The following UGT1A4 variants were observed in gnomAD, a reference collection of about 807,000 sequenced individuals.
UGT1A4 encodes the protein UDP glucuronosyltransferase family 1 member A4.
A neutral mutation model predicts 41.1 loss-of-function variants in UGT1A4; 32 were observed. That is an observed-to-expected ratio of 0.78 (90% CI 0.59 to 1.05). UGT1A4 has a LOEUF of 1.05. Among genes scored for constraint, UGT1A4 ranks in the 50% least tolerant of loss-of-function variants. The pLI is 0.00. For synonymous variants in UGT1A4, 283 were observed against 265.1 expected, an observed-to-expected ratio of 1.07 and a Z score of -0.66; for missense variants, 748 against 677.4, an observed-to-expected ratio of 1.10 and a Z score of -1.16.
chr2:233,737,994 C>T (rs1435641802), intron 1 of UGT1A4, among the ~76,000 whole-genome samples: 1 of 151,970 alleles, frequency 6.6e-6, no homozygotes. Flanking sequence ...CTCTGTGTCC[C>T]CCACCAAATC....
chr2:233,756,239 T>C (rs1242345996), intron 1 of UGT1A4: 1 of 152,226 alleles, frequency 6.6e-6, no homozygotes, highest in East Asian at 1.9e-4. Context: ...ACAACCCTCC[T>C]TCCCCATACC....
chr2:233,726,222 AT>A (rs1211816724), intron 1 of UGT1A4, among the ~76,000 whole-genome samples: 6 of 152,202 alleles, frequency 3.9e-5, no homozygotes, highest in Middle Eastern at 3.2e-3. Flanking sequence ...TTTAGAAAAC[AT>A]TTTTTAAAAC....
chr2:233,726,424 A>G (rs540459966), intron 1 of UGT1A4, among the ~76,000 whole-genome samples: 1 of 151,962 alleles, frequency 6.6e-6, no homozygotes, highest in East Asian at 1.9e-4. Flanking sequence ...GATTCTGTCC[A>G]CTCTTAATCT....
At chr2:233,732,288 A>G (rs568891817) in intron 1 of UGT1A4, among the ~76,000 whole-genome samples, 10 of 152,250 alleles carry the variant, frequency 6.6e-5, no homozygotes, top group Non-Finnish European at 1.0e-4. Context: ...GAAGCTCTTT[A>G]GTTTAATTAG....
chr2:233,738,870 C>T (rs1316553020), intron 1 of UGT1A4: 1 of 152,192 alleles, frequency 6.6e-6, no homozygotes, highest in Admixed American at 6.5e-5. Context: ...GAAAATGGCT[C>T]CAGGGCATGT....
At chr2:233,723,516 CTTTTTTTT>C (rs1162916866) in intron 1 of UGT1A4, among the ~76,000 whole-genome samples, 9 of 85,406 alleles carry the variant, frequency 1.1e-4, no homozygotes, top group African/African-American at 3.9e-4. Context: ...GGTCAACAAT[CTTTTTTTT>C]TTTTTTTTTT....
chr2:233,729,225 G>T, intron 1 of UGT1A4: 1 of 1,614,158 alleles, frequency 6.2e-7, no homozygotes, highest in South Asian at 1.1e-5. Context: ...AGGTGTTGGT[G>T]GTGCCCATTG....
chr2:233,762,045 A>G (rs187851388), intron 1 of UGT1A4, among the ~76,000 whole-genome samples: 1 of 151,958 alleles, frequency 6.6e-6, no homozygotes, highest in African/African-American at 2.4e-5. Flanking sequence ...TTTTCTGTGC[A>G]TTTTCCTTCA....
intron 1 of UGT1A4, among the ~76,000 whole-genome samples, chr2:233,765,626 G>A (rs892364448): frequency 2.0e-5 from 3 of 151,774 alleles, no homozygotes; most frequent in Admixed American, 2.0e-4. Context: ...GGTGAGGGGA[G>A]GAACTTAGAG....
intron 1 of UGT1A4, among the ~76,000 whole-genome samples, chr2:233,764,963 G>A (rs1465022385): frequency 6.6e-6 from 1 of 152,090 alleles, no homozygotes; most frequent in East Asian, 1.9e-4. Flanking sequence ...GCTCACCTTG[G>A]GAGAAGGATG....
rs1308023181 is a variant in UGT1A4, at chr2:233,747,199, G to A, written c.868-19835G>A. 45 of 1,604,092 alleles carry A rather than the reference G, an allele frequency of 2.8e-5. 2 individuals carry two copies. The highest frequency in any genetic ancestry group is 8.8e-5 in the South Asian group (8 of 90,422). On this transcript the variant is annotated intron_variant, in intron 1 of 4. Coordinates refer to ENST00000373409, the MANE Select transcript of UGT1A4 (RefSeq NM_007120.3). Reference sequence around the variant, plus strand: ...GCGTGGGGTGGACAGTCAGCTGTCCGTGTCTTCTGCTGAGATGGCCACAGG... The same window carrying A: ...GCGTGGGGTGGACAGTCAGCTGTCCATGTCTTCTGCTGAGATGGCCACAGG...
At chr2:233,747,962 C>A (rs780665543) in intron 1 of UGT1A4, 1 of 1,613,470 alleles carries the variant, frequency 6.2e-7, no homozygotes, top group Middle Eastern at 1.7e-4. Flanking sequence ...ATCTTCTCAG[C>A]CATGCATCTG....
chr2:233,760,317 A>T, intron 1 of UGT1A4: 5 of 1,614,016 alleles, frequency 3.1e-6, no homozygotes, highest in Non-Finnish European at 4.2e-6. Context: ...GCGGACGCCC[A>T]CTTGTCCTGG....
In UGT1A4 at chr2:233,765,523, G is replaced by A. The variant is rs34942302; in HGVS notation, c.868-1511G>A. On this transcript the variant is annotated intron_variant, in intron 1 of 4. Coordinates refer to ENST00000373409, the MANE Select transcript of UGT1A4 (RefSeq NM_007120.3). ...ACACAGGAACAGAAAATCAAACACCGCATGTTCTCACTCATAAGTGGGAGT... is the reference window on the plus strand; with the variant it reads ...ACACAGGAACAGAAAATCAAACACCACATGTTCTCACTCATAAGTGGGAGT... Among the ~76,000 whole-genome samples, 784 of 152,122 alleles carry A rather than the reference G, an allele frequency of 5.2e-3. 4 individuals are homozygous for A. Among genetic ancestry groups the A allele is most frequent in the Non-Finnish European group, 8.2e-3 (558 of 68,008 alleles).
At chr2:233,748,095 T>G (rs1186199054) in intron 1 of UGT1A4, 80 of 1,612,722 alleles carry the variant, frequency 5.0e-5, no homozygotes, top group Non-Finnish European at 6.3e-5. Context: ...TGTTCGTGCC[T>G]TCATCCAATC....
chr2:233,736,288 C>T (rs896728048), intron 1 of UGT1A4, among the ~76,000 whole-genome samples: 17 of 152,156 alleles, frequency 1.1e-4, no homozygotes, highest in African/African-American at 3.9e-4. Context: ...ACCCTTTCTT[C>T]CAGTTGCTCT....
At chr2:233,761,622 G>A (rs1417511901) in intron 1 of UGT1A4, among the ~76,000 whole-genome samples, 3 of 152,238 alleles carry the variant, frequency 2.0e-5, no homozygotes, top group Non-Finnish European at 4.4e-5. Flanking sequence ...CTGATAAGAA[G>A]CTAAATCCTG....
intron 1 of UGT1A4, among the ~76,000 whole-genome samples, chr2:233,751,636 C>T (rs915046603): frequency 2.0e-5 from 3 of 152,122 alleles, no homozygotes; most frequent in African/African-American, 7.2e-5. Flanking sequence ...GTGCAGTTTC[C>T]CCCTTGCTGT....
chr2:233,738,316 T>C (rs1483940334), intron 1 of UGT1A4, among the ~76,000 whole-genome samples: 4 of 152,176 alleles, frequency 2.6e-5, no homozygotes, highest in African/African-American at 7.2e-5. Context: ...TAGCAGTGTG[T>C]GAATGGACTA....
Sources: allele counts gnomAD v4.1 joint callset (sites outside exome capture counted in the v4.1 genomes callset), GRCh38; gene constraint gnomAD v4.1.1; transcripts MANE v1.5; gene names NCBI Gene and HGNC (gene_info 2026-07-23, HGNC 2026-07-21).